The following EDA2R variants were observed in gnomAD, a reference collection of about 807,000 sequenced individuals.
EDA2R encodes the protein ectodysplasin A2 receptor, also known as tumor necrosis factor receptor superfamily member 27.
Under a neutral mutation model 20.1 loss-of-function variants are expected in EDA2R, and 26 were observed. The ratio of observed to expected loss-of-function variants is 1.30; its 90% CI spans 0.95 to 1.80. EDA2R has a LOEUF of 1.80. EDA2R is among the 40% of genes most tolerant of loss of function. EDA2R has a pLI of 0.00. For missense variants in EDA2R, 277 were observed against 228.7 expected (o/e 1.21, Z -1.36); for synonymous variants, 114 against 88.7 (o/e 1.29, Z -1.60).
At chrX:66,632,448 GGAGGAGGAGGGT>G (rs1933925972) in intron 1 of EDA2R, among the ~76,000 whole-genome samples, 2 of 107,779 alleles carry the variant, frequency 1.9e-5, no homozygotes, top group African/African-American at 3.4e-5. Flanking sequence ...AGGAGGAGGA[GGAGGAGGAGGGT>G]GAGGAGGAGG....
chrX:66,602,191 T>C (rs749509270), intron 5 of EDA2R, among the ~76,000 whole-genome samples: 12 of 111,402 alleles, frequency 1.1e-4, no homozygotes, highest in Non-Finnish European at 1.9e-4. Context: ...TTATACCTAC[T>C]AGTATAGATA....
intron 1 of EDA2R, among the ~76,000 whole-genome samples, chrX:66,629,336 G>T (rs916313226): frequency 3.6e-5 from 4 of 111,424 alleles, no homozygotes; most frequent in Non-Finnish European, 7.5e-5. Context: ...GGAAGTCCTC[G>T]CCAGAGCAAC....
chrX:66,622,788 A>C (rs1932781022), intron 1 of EDA2R, among the ~76,000 whole-genome samples: 2 of 112,048 alleles, frequency 1.8e-5, no homozygotes, highest in Non-Finnish European at 3.8e-5. Flanking sequence ...CCCTTTTCTG[A>C]ACTGACCCAA....
intron 1 of EDA2R, among the ~76,000 whole-genome samples, chrX:66,624,080 T>C (rs913514987): frequency 3.6e-5 from 4 of 112,612 alleles, no homozygotes; most frequent in Non-Finnish European, 5.6e-5. Flanking sequence ...ATTTGTTGAA[T>C]GATAAAATGG....
chrX:66,602,757 T>C lies in EDA2R; in HGVS notation c.393A>G (p.Thr131=), dbSNP rs781314413. The C allele has an allele frequency of 1.7e-6, 2 of 1,194,517 alleles. No homozygotes were observed. Among genetic ancestry groups the C allele is most frequent in the Non-Finnish European group, 2.3e-6 (2 of 886,716 alleles). The part of the protein sequence containing the change: ...QLSLVEADTP[T]VPPQEATLVA... ...CAAGTGTGGCCTCCTGAGGGGGCAC[T>C]GTGGGTGTATCTGCCTCCACTAAGC... Residue 131 remains threonine, a synonymous_variant, in exon 5 of 7, where the codon ACA becomes ACG. Transcript: ENST00000374719.
At chrX:66,625,468 A>T (rs776719140) in intron 1 of EDA2R, among the ~76,000 whole-genome samples, 52 of 110,808 alleles carry the variant, frequency 4.7e-4, no homozygotes, top group Non-Finnish European at 9.3e-4. Flanking sequence ...AACTCCATGG[A>T]TCTGGGAACC....
intron 2 of EDA2R, among the ~76,000 whole-genome samples, chrX:66,613,921 C>A (rs1156623250): frequency 9.0e-6 from 1 of 110,963 alleles, no homozygotes; most frequent in African/African-American, 3.3e-5. Flanking sequence ...AAACAATTGC[C>A]CCTCTTCTTC....
At chrX:66,631,639 C>A (rs1407844701) in intron 1 of EDA2R, among the ~76,000 whole-genome samples, 4 of 111,081 alleles carry the variant, frequency 3.6e-5, no homozygotes, top group Non-Finnish European at 7.5e-5. Context: ...AGGGTTACTG[C>A]CCAAGCTTTA....
intron 2 of EDA2R, among the ~76,000 whole-genome samples, chrX:66,608,169 GAAGA>G (rs779320609): frequency 3.0e-4 from 34 of 111,694 alleles, no homozygotes; most frequent in Non-Finnish European, 5.5e-4. Flanking sequence ...AGTCTGAGGA[GAAGA>G]AAGTAAACAG....
chrX:66,632,437 C>A lies in EDA2R; in HGVS notation c.-11+6558G>T, dbSNP rs12850857. On this transcript the variant is annotated intron_variant, in intron 1 of 6. Coordinates refer to ENST00000374719, the MANE Select transcript of EDA2R (RefSeq NM_021783.5). ...TCAAACAAAGAAGAAGAAGAAGAAG[C>A]AGGAGGAGGAGGAGGAGGAGGGTGA... 6.7e-5 allele frequency among the ~76,000 whole-genome samples: 7 copies of A among 104,334 alleles called. No homozygotes were observed. The Admixed American group carries it at 7.3e-4, about 11-fold the overall frequency. The allele number at this position is 104,334 out of a possible 115,157, so 90.6% of individuals were successfully genotyped here. A position where few individuals can be genotyped will look rare whatever the true frequency, so the allele number is the denominator to read the frequency against.
intron 1 of EDA2R, among the ~76,000 whole-genome samples, chrX:66,616,892 T>C (rs1274734148): frequency 2.7e-5 from 3 of 112,274 alleles, no homozygotes; most frequent in African/African-American, 9.7e-5. Flanking sequence ...CTATTGTATA[T>C]AGCTCTTGGG....
intron 1 of EDA2R, among the ~76,000 whole-genome samples, chrX:66,630,889 GCATATATA>G (rs775167627): frequency 9.5e-6 from 1 of 104,783 alleles, no homozygotes; most frequent in African/African-American, 3.5e-5. Context: ...GTATGTGTAT[GCATATATA>G]CATATATACA....
chrX:66,616,164 CA>C lies in EDA2R; in HGVS notation c.-10-135del, dbSNP rs1432683110. On this transcript the variant is annotated intron_variant, in intron 1 of 6. Transcript: ENST00000374719. ...GATAGTAGGGACGAGGAAGCCAACA[CA>C]AAAGAGTTAATGCTTATGTAGCTCT... is the stretch of plus-strand genomic sequence containing the variant. The C allele has an allele frequency of 1.3e-5, 6 of 457,794 alleles. No individual in the cohort carries two copies. The African/African-American group carries it at 1.5e-4, about 11-fold the overall frequency. 37.7% of individuals were successfully genotyped at this position (457,794 alleles called of 1,213,427 possible). A position where few individuals can be genotyped will look rare whatever the true frequency, so the allele number is the denominator to read the frequency against.
intron 1 of EDA2R, among the ~76,000 whole-genome samples, chrX:66,618,490 G>A (rs189397527): frequency 2.3e-4 from 26 of 112,180 alleles, no homozygotes; most frequent in Admixed American, 2.3e-3. Flanking sequence ...GTTACTCTGA[G>A]GTATTCCATA....
intron 1 of EDA2R, among the ~76,000 whole-genome samples, chrX:66,637,942 G>C (rs1934505990): frequency 8.9e-6 from 1 of 111,888 alleles, no homozygotes; most frequent in Non-Finnish European, 1.9e-5. Context: ...AACTCAAATA[G>C]TCTAGCTCTG....
At chrX:66,604,953 A>T in intron 3 of EDA2R, 95 bp downstream of exon 3, 1 of 784,332 alleles carries the variant, frequency 1.3e-6, no homozygotes, top group South Asian at 2.8e-5. Flanking sequence ...GTTTATAAGA[A>T]GAATATTTCG....
At chrX:66,621,101 AC>A (rs1932543939) in intron 1 of EDA2R, among the ~76,000 whole-genome samples, 1 of 110,611 alleles carries the variant, frequency 9.0e-6, no homozygotes, top group Admixed American at 9.6e-5. Context: ...ATATGGTGAA[AC>A]CCTGAATCTA....
chrX:66,598,138 A>C, intron 6 of EDA2R, 45 bp from the exon 7 acceptor site: 1,705 of 559,098 alleles, frequency 3.0e-3, no homozygotes, highest in Non-Finnish European at 4.0e-3. Flanking sequence ...GGGAAATCTC[A>C]CTAGCACCCT....
chrX:66,632,213 C>G (rs1449995962), intron 1 of EDA2R, among the ~76,000 whole-genome samples: 2 of 111,684 alleles, frequency 1.8e-5, no homozygotes, highest in Admixed American at 1.9e-4. Flanking sequence ...CACTTGAGGT[C>G]AGGACTTCAA....
Sources: allele counts gnomAD v4.1 joint callset (sites outside exome capture counted in the v4.1 genomes callset), GRCh38; gene constraint gnomAD v4.1.1; transcripts MANE v1.5; gene names NCBI Gene and HGNC (gene_info 2026-07-23, HGNC 2026-07-21).